The following ZNF385D variants were observed in gnomAD, a reference collection of about 807,000 sequenced individuals.
ZNF385D encodes the protein zinc finger protein 385D.
Under a neutral mutation model 35.8 loss-of-function variants are expected in ZNF385D, and 15 were observed. The observed-to-expected ratio is 0.42, with a 90% CI of 0.28 to 0.64. The LOEUF is 0.64. Among genes scored for constraint, ZNF385D ranks in the 30% least tolerant of loss-of-function variants. ZNF385D has a pLI of 0.23. For missense variants in ZNF385D, 474 were observed against 494.6 expected, an observed-to-expected ratio of 0.96 and a Z score of 0.39; for synonymous variants, 212 against 186.8, an observed-to-expected ratio of 1.13 and a Z score of -1.10.
intron 3 of ZNF385D, among the ~76,000 whole-genome samples, chr3:21,931,966 G>A (rs1701029925): frequency 6.6e-6 from 1 of 151,896 alleles, no homozygotes; most frequent in South Asian, 2.1e-4. Flanking sequence ...TCAAGATCGA[G>A]ACCATCCTGG....
chr3:21,619,661 T>C (rs1255257038), intron 2 of ZNF385D, among the ~76,000 whole-genome samples: 1 of 152,116 alleles, frequency 6.6e-6, no homozygotes, highest in African/African-American at 2.4e-5. Context: ...ATCTGGGGAA[T>C]GGTGGTAAGA....
intron 3 of ZNF385D, among the ~76,000 whole-genome samples, chr3:22,168,129 T>C (rs553889416): frequency 6.6e-6 from 1 of 152,316 alleles, no homozygotes; most frequent in Admixed American, 6.5e-5. Context: ...CTGATCACAA[T>C]ATAATATTGT....
chr3:21,711,037 AAG>A (rs2068080880), intron 1 of ZNF385D, among the ~76,000 whole-genome samples: 3 of 67,012 alleles, frequency 4.5e-5, no homozygotes, highest in African/African-American at 6.1e-5. Flanking sequence ...ATCCCTCTAA[AAG>A]TTTTTTTTTT....
intron 2 of ZNF385D, among the ~76,000 whole-genome samples, chr3:21,580,791 TTGTGTCTATGTG>T (rs2125704068): frequency 7.1e-6 from 1 of 140,700 alleles, no homozygotes; most frequent in African/African-American, 2.5e-5. Context: ...ATATGTATGT[TTGTGTCTATGTG>T]TGTGTATATA....
Position 21,471,335 on chromosome 3 carries a change from A to C in ZNF385D, c.440-34132T>G, listed in dbSNP as rs552250687. 6.3e-3 allele frequency among the ~76,000 whole-genome samples: 750 copies of C among 118,908 alleles called. 19 individuals are homozygous for C. Among genetic ancestry groups the C allele is most frequent in the Admixed American group, 0.054 (535 of 9,820 alleles). 78.0% of individuals were successfully genotyped at this position (118,908 alleles called of 152,430 possible). Reference sequence around the variant, plus strand: ...CACACACACACACACACACACACACACCTTGGTGATGGCTGTTTTTTACTA... The same window carrying C: ...CACACACACACACACACACACACACCCCTTGGTGATGGCTGTTTTTTACTA... On this transcript the variant is annotated intron_variant, in intron 4 of 7. Coordinates refer to ENST00000281523, the MANE Select transcript of ZNF385D (RefSeq NM_024697.3).
At chr3:21,532,364 G>T (rs756538717) in intron 3 of ZNF385D, among the ~76,000 whole-genome samples, 11 of 152,106 alleles carry the variant, frequency 7.2e-5, no homozygotes, top group Non-Finnish European at 1.6e-4. Context: ...TCAGTGTGGG[G>T]GAGGGAAGGT....
intron 1 of ZNF385D, among the ~76,000 whole-genome samples, chr3:21,701,451 G>A (rs2067681005): frequency 6.6e-6 from 1 of 152,040 alleles, no homozygotes; most frequent in Non-Finnish European, 1.5e-5. Flanking sequence ...ACAACATATG[G>A]GAATTCTGGG....
At chr3:21,503,790 C>G (rs1268192536) in intron 4 of ZNF385D, among the ~76,000 whole-genome samples, 2 of 152,116 alleles carry the variant, frequency 1.3e-5, no homozygotes, top group African/African-American at 2.4e-5. Flanking sequence ...CTTTATTACT[C>G]TAAGTCCCTG....
chr3:22,094,971 G>T (rs1035019839), intron 3 of ZNF385D, among the ~76,000 whole-genome samples: 1 of 151,758 alleles, frequency 6.6e-6, no homozygotes, highest in African/African-American at 2.4e-5. Flanking sequence ...AGTGGCTCAT[G>T]ATCATAGCTC....
chr3:22,203,471 C>G (rs1028119835), intron 2 of ZNF385D, among the ~76,000 whole-genome samples: 1 of 152,084 alleles, frequency 6.6e-6, no homozygotes, highest in African/African-American at 2.4e-5. Flanking sequence ...TTGAGAAAAG[C>G]AGAGGAAAGA....
intron 3 of ZNF385D, among the ~76,000 whole-genome samples, chr3:21,935,454 G>C (rs536580001): frequency 5.9e-5 from 9 of 152,060 alleles, no homozygotes; most frequent in African/African-American, 2.2e-4. Flanking sequence ...AATTCACTGA[G>C]AACACAAACT....
chr3:21,456,638 T>C (rs1702834348), intron 4 of ZNF385D, among the ~76,000 whole-genome samples: 1 of 152,076 alleles, frequency 6.6e-6, no homozygotes, highest in Non-Finnish European at 1.5e-5. Context: ...CTAATGTAAA[T>C]GACAAGTTAA....
intron 2 of ZNF385D, among the ~76,000 whole-genome samples, chr3:22,215,207 C>T (rs986901982): frequency 1.3e-5 from 2 of 152,014 alleles, no homozygotes; most frequent in Non-Finnish European, 2.9e-5. Flanking sequence ...GTTCGTACAG[C>T]ATGCGTGTTT....
chr3:21,544,622 T>G (rs916270126), intron 3 of ZNF385D, among the ~76,000 whole-genome samples: 2 of 152,198 alleles, frequency 1.3e-5, no homozygotes, highest in Non-Finnish European at 1.5e-5. Context: ...AAAGGTATTA[T>G]GTGGTTTTTC....
intron 3 of ZNF385D, among the ~76,000 whole-genome samples, chr3:21,800,964 CTATT>C (rs2072372194): frequency 6.6e-6 from 1 of 152,064 alleles, no homozygotes; most frequent in African/African-American, 2.4e-5. Context: ...ATTAAGTGTA[CTATT>C]TATTAGCTGT....
chr3:21,999,980 C>G (rs758557157), intron 3 of ZNF385D, among the ~76,000 whole-genome samples: 1 of 152,002 alleles, frequency 6.6e-6, no homozygotes, highest in Non-Finnish European at 1.5e-5. Flanking sequence ...ACACAAGAAG[C>G]TCAAAAATCC....
chr3:21,929,438 T>G (rs961047696), intron 3 of ZNF385D, among the ~76,000 whole-genome samples: 1 of 152,072 alleles, frequency 6.6e-6, no homozygotes, highest in East Asian at 1.9e-4. Flanking sequence ...CAATTTTTAT[T>G]TATTATTTAC....
chr3:22,327,820 T>C (rs1694748981), intron 2 of ZNF385D, among the ~76,000 whole-genome samples: 1 of 152,204 alleles, frequency 6.6e-6, no homozygotes, highest in Admixed American at 6.5e-5. Context: ...TTTGTGAATG[T>C]TGACCTTGTA....
At chr3:21,661,716 G>C (rs1049033037) in intron 2 of ZNF385D, among the ~76,000 whole-genome samples, 2 of 152,140 alleles carry the variant, frequency 1.3e-5, no homozygotes, top group Non-Finnish European at 2.9e-5. Context: ...AATAGCTTCT[G>C]TTGTGGCTCC....
Sources: allele counts gnomAD v4.1 joint callset (sites outside exome capture counted in the v4.1 genomes callset), GRCh38; gene constraint gnomAD v4.1.1; transcripts MANE v1.5; gene names NCBI Gene and HGNC (gene_info 2026-07-23, HGNC 2026-07-21).